Variants in INPP5D observed in about 807,000 individuals in gnomAD.
INPP5D encodes the protein inositol polyphosphate-5-phosphatase D.
A neutral mutation model predicts 122.9 loss-of-function variants in INPP5D; 33 were observed. The ratio of observed to expected loss-of-function variants is 0.27; its 90% CI spans 0.20 to 0.36. INPP5D has a LOEUF of 0.36. Ranked by LOEUF, INPP5D falls within the 10% of genes least tolerant of loss-of-function variation. The pLI is 1.00. For synonymous variants in INPP5D, 584 were observed against 576.2 expected, an observed-to-expected ratio of 1.01 and a Z score of -0.19; for missense variants, 1,053 against 1,412.7, an observed-to-expected ratio of 0.75 and a Z score of 4.08.
chr2:233,132,701 G>C (rs899244337), intron 5 of INPP5D, among the ~76,000 whole-genome samples: 1 of 152,124 alleles, frequency 6.6e-6, no homozygotes, highest in Non-Finnish European at 1.5e-5. Flanking sequence ...GCTTTGATTA[G>C]AATAGGTCTT....
intron 9 of INPP5D, among the ~76,000 whole-genome samples, chr2:233,151,045 G>A (rs1693911439): frequency 6.6e-6 from 1 of 152,130 alleles, no homozygotes. Context: ...TGTGAACAGA[G>A]CCTAGAATGC....
At chr2:233,203,414 C>T (rs901549037) in intron 25 of INPP5D, among the ~76,000 whole-genome samples, 7 of 152,150 alleles carry the variant, frequency 4.6e-5, no homozygotes, top group Admixed American at 2.6e-4. Context: ...CCCACAAATC[C>T]TCCAGTGCCA....
rs888648294 is a variant in INPP5D at position 233,105,238 on chromosome 2, G to A, written c.199-16869G>A. On this transcript the variant is annotated intron_variant, in intron 2 of 26. Transcript: ENST00000445964. This position sits in a 1 kb window ranked among gnomAD's most constrained non-coding sequence, Gnocchi z 4.0. ...CGGTCAGTGGGTCCCAGGGAACTGGGTAGGACAGCAGCTGCGCTCTCTGTA... is the reference window on the plus strand; with the variant it reads ...CGGTCAGTGGGTCCCAGGGAACTGGATAGGACAGCAGCTGCGCTCTCTGTA... 6.6e-6 allele frequency among the ~76,000 whole-genome samples: 1 copy of A among 152,186 alleles called. No individual in the cohort carries two copies. The highest frequency in any genetic ancestry group is 2.4e-5 in the African/African-American group (1 of 41,446).
Position 233,105,375 on chromosome 2 carries a change from T to C in INPP5D, c.199-16732T>C, listed in dbSNP as rs57913437. 8.2e-3 allele frequency among the ~76,000 whole-genome samples: 1,251 copies of C among 152,306 alleles called. 12 individuals carry two copies. The highest frequency in any genetic ancestry group is 0.028 in the African/African-American group (1,176 of 41,566). ...TGTCTCTTTGCCCCACCACCTCCTA[T>C]TCACCTGAAGTAGGAGCATCTCAGC... On this transcript the variant is annotated intron_variant, in intron 2 of 26. Coordinates refer to ENST00000445964, the MANE Select transcript of INPP5D (RefSeq NM_001017915.3). The surrounding 1 kb of genome is among the most constrained non-coding windows in gnomAD (Gnocchi z 4.0).
chr2:233,138,728 A>ATTTTAT (rs148927527), intron 5 of INPP5D, among the ~76,000 whole-genome samples: 1,744 of 149,720 alleles, frequency 0.012, 32 homozygotes, highest in African/African-American at 0.039. Context: ...GGTTTTATTT[A>ATTTTAT]TTTTATTTTT....
At chr2:233,186,068 G>A in intron 21 of INPP5D, 143 bp downstream of exon 21, 2 of 1,244,472 alleles carry the variant, frequency 1.6e-6, no homozygotes, top group Non-Finnish European at 2.1e-6. Context: ...CCCACTCTAG[G>A]AGCAAGCTCT....
At chr2:233,142,166 T>C (rs1183594407) in intron 6 of INPP5D, among the ~76,000 whole-genome samples, 1 of 152,208 alleles carries the variant, frequency 6.6e-6, no homozygotes, top group Non-Finnish European at 1.5e-5. Flanking sequence ...GTCTCTGCAT[T>C]TGGTGGCAGG....
At chr2:233,074,871 C>G (rs1471633304) in intron 1 of INPP5D, among the ~76,000 whole-genome samples, 1 of 152,034 alleles carries the variant, frequency 6.6e-6, no homozygotes, top group East Asian at 1.9e-4. Flanking sequence ...GTGGGTCTGT[C>G]CATGGTGAAG....
At chr2:233,093,818 C>T (rs758392438) in intron 2 of INPP5D, among the ~76,000 whole-genome samples, 1 of 152,076 alleles carries the variant, frequency 6.6e-6, no homozygotes, top group African/African-American at 2.4e-5. Flanking sequence ...AATGTGATGA[C>T]GTCCAGAGCT....
chr2:233,163,051 T>C (rs1694237227), intron 11 of INPP5D, among the ~76,000 whole-genome samples: 1 of 152,184 alleles, frequency 6.6e-6, no homozygotes, highest in Non-Finnish European at 1.5e-5. Context: ...GAGCAGAATT[T>C]AGCCACAGTC....
chr2:233,138,717 AG>A lies in INPP5D; in HGVS notation c.666-1123del, dbSNP rs776593622. 2.3e-3 allele frequency among the ~76,000 whole-genome samples: 347 copies of A among 149,440 alleles called. 1 individual carries two copies. Among genetic ancestry groups the A allele is most frequent in the Non-Finnish European group, 3.6e-3 (245 of 67,252 alleles). ...CTATATGAACAAAGTTGTTCAGAGC[AG>A]GTTTTATTTATTTTATTTTTATTTT... is the stretch of plus-strand genomic sequence containing the variant. On this transcript the variant is annotated intron_variant, in intron 5 of 26. Transcript: ENST00000445964.
chr2:233,190,004 C>T lies in INPP5D; in HGVS notation c.2446+67C>T. On this transcript the variant is annotated intron_variant, in intron 22 of 26. Transcript: ENST00000445964. ...GCGGCCTCTGACGTAGCATTGCCTT[C>T]AGGGGAGCTCACCTGGCACTTCCGG... 1.9e-6 allele frequency: 3 copies of T among 1,579,902 alleles called. No individual in the cohort carries two copies. In the South Asian group the frequency reaches 3.5e-5, roughly 18 times the overall value.
rs1248658676 is a variant in INPP5D at position 233,188,284 on chromosome 2, G to A, written c.2359-1566G>A. ...CCTGGCGGCCTCCTCTGTTCACCCT[G>A]TAAATCCCTGCTGTGGCCCCCTAGA... On this transcript the variant is annotated intron_variant, in intron 21 of 26. Coordinates refer to ENST00000445964, the MANE Select transcript of INPP5D (RefSeq NM_001017915.3). This position sits in a 1 kb window ranked among gnomAD's most constrained non-coding sequence, Gnocchi z 4.7. Among the ~76,000 whole-genome samples, 2 of 151,962 alleles carry A rather than the reference G, an allele frequency of 1.3e-5. No individual in the cohort carries two copies. Among genetic ancestry groups the A allele is most frequent in the East Asian group, 1.9e-4 (1 of 5,182 alleles).
chr2:233,156,854 T>C (rs1457944573), intron 9 of INPP5D, among the ~76,000 whole-genome samples: 1 of 152,186 alleles, frequency 6.6e-6, no homozygotes, highest in Non-Finnish European at 1.5e-5. Flanking sequence ...ACTCATCAGC[T>C]CTGGGAGTGG....
At chr2:233,094,942 A>G (rs191183819) in intron 2 of INPP5D, among the ~76,000 whole-genome samples, 1 of 152,338 alleles carries the variant, frequency 6.6e-6, no homozygotes, top group East Asian at 1.9e-4. Flanking sequence ...AACAAGTCAC[A>G]TGGACAAAGA....
intron 2 of INPP5D, among the ~76,000 whole-genome samples, chr2:233,096,482 A>T (rs1692146314): frequency 2.0e-5 from 3 of 151,932 alleles, no homozygotes; most frequent in African/African-American, 7.3e-5. Context: ...TGAAATGCCA[A>T]CTCTACTAAA....
At chr2:233,116,475 G>T (rs1452112607) in intron 2 of INPP5D, among the ~76,000 whole-genome samples, 1 of 151,948 alleles carries the variant, frequency 6.6e-6, no homozygotes, top group Non-Finnish European at 1.5e-5. Context: ...TTTTTGTAGA[G>T]ACAGGTTTCA....
intron 2 of INPP5D, among the ~76,000 whole-genome samples, chr2:233,117,945 C>T (rs967875929): frequency 6.6e-6 from 1 of 152,170 alleles, no homozygotes; most frequent in South Asian, 2.1e-4. Flanking sequence ...TGACCCAAGG[C>T]GGCAAATCCA....
At chr2:233,176,921 G>A (rs1162411854) in intron 17 of INPP5D, among the ~76,000 whole-genome samples, 1 of 152,028 alleles carries the variant, frequency 6.6e-6, no homozygotes, top group East Asian at 1.9e-4. Context: ...GTAAGTGACT[G>A]CAGAAAGTGA....
Sources: gnomAD v4.1 joint callset for allele counts (sites outside exome capture counted in the v4.1 genomes callset) on GRCh38, gnomAD v4.1.1 for gene constraint, Gnocchi (gnomAD v3.1) non-coding constraint, MANE v1.5 for transcripts, NCBI Gene and HGNC (gene_info 2026-07-23, HGNC 2026-07-21) for gene names.